Variants in CENPF observed in about 807,000 individuals in gnomAD.
CENPF encodes the protein centromere protein F.
CENPF carries 214 observed loss-of-function variants against 307.3 expected under a neutral mutation model. The ratio of observed to expected loss-of-function variants is 0.70; its 90% CI spans 0.62 to 0.78. The LOEUF (loss-of-function observed/expected upper bound fraction) is 0.78, where lower values mean the gene tolerates loss of function less well. Among genes scored for constraint, CENPF ranks in the 30% least tolerant of loss-of-function variants. The pLI, the probability that CENPF is intolerant of heterozygous loss-of-function variation, is 0.00. For synonymous variants in CENPF, 1,259 were observed against 1,270.6 expected, an observed-to-expected ratio of 0.99 and a Z score of 0.19; for missense variants, 3,401 against 3,483.9, an observed-to-expected ratio of 0.98 and a Z score of 0.60.
rs1348872619 is a variant in CENPF, at chr1:214,651,625, C to T, written c.7984-85C>T. On this transcript the variant is annotated intron_variant, in intron 14 of 19. Coordinates refer to ENST00000366955, the MANE Select transcript of CENPF (RefSeq NM_016343.4). ...CTTGCCCATAAATATTTTTTTTCTACACAGTACACATTATTTCCTAAAAAT... is the reference window on the plus strand; with the variant it reads ...CTTGCCCATAAATATTTTTTTTCTATACAGTACACATTATTTCCTAAAAAT... 4.0e-6 allele frequency: 4 copies of T among 996,970 alleles called. No homozygotes were observed. The African/African-American group carries it at 6.5e-5, about 16-fold the overall frequency. The allele number at this position is 996,970 out of a possible 1,614,324, so 61.8% of individuals were successfully genotyped here.
chr1:214,622,051 G>T, intron 6 of CENPF, 28 bp from the exon 7 acceptor site: 1 of 1,547,276 alleles, frequency 6.5e-7, no homozygotes, highest in African/African-American at 1.4e-5. Flanking sequence ...TATATGAATT[G>T]GAGTGTGATT....
chr1:214,616,869 CTT>C (rs1275745328), intron 3 of CENPF, among the ~76,000 whole-genome samples: 2 of 83,968 alleles, frequency 2.4e-5, no homozygotes, highest in African/African-American at 4.7e-5. Flanking sequence ...TTCTTTCTTT[CTT>C]TCTTTCTTTC....
intron 3 of CENPF, among the ~76,000 whole-genome samples, chr1:214,617,137 C>T (rs897693495): frequency 2.0e-5 from 3 of 151,666 alleles, no homozygotes; most frequent in Admixed American, 6.6e-5. Flanking sequence ...CTGCAACCTC[C>T]GCCTCCTGGG....
Position 214,620,848 on chromosome 1 carries a change from G to A in CENPF, c.767G>A (p.Arg256Gln), listed in dbSNP as rs147545168. Residue 256 changes from arginine to glutamine, a missense_variant, in exon 6 of 20, where the codon CGA becomes CAA. Physicochemically the swap from Arg to Gln is conservative, Grantham distance 43. Transcript: ENST00000366955. Reference protein sequence around the residue: ...FSGEQEVTPSRSTLQIGKRDA... With the variant: ...FSGEQEVTPSQSTLQIGKRDA... ...GGGGAACAAGAGGTGACTCCAAGTC[G>A]ATCAACTTTGCAAATAGGGAAAAGA... 5.3e-5 allele frequency: 86 copies of A among 1,614,124 alleles called. No homozygotes were observed. The African/African-American group carries it at 8.8e-4, about 17-fold the overall frequency.
chr1:214,613,381 C>A, intron 1 of CENPF: 1 of 206,038 alleles, frequency 4.9e-6, no homozygotes. Flanking sequence ...TACTCCTGAT[C>A]CTGTGGTGAC....
chr1:214,623,327 A>G lies in CENPF; in HGVS notation c.1068+1046A>G, dbSNP rs1027710356. Among the ~76,000 whole-genome samples, 20 of 152,330 alleles carry G rather than the reference A, an allele frequency of 1.3e-4. No individual in the cohort carries two copies. The South Asian group carries it at 1.4e-3, about 11-fold the overall frequency. On this transcript the variant is annotated intron_variant, in intron 7 of 19. Transcript: ENST00000366955. ...TAGCATATACATAGTATTAGGTATT[A>G]TAAGTAATCTAGAGATGATTTAAAG...
rs1421436303 is a variant in CENPF at position 214,645,098 on chromosome 1, G to C, written c.5528G>C (p.Ser1843Thr). 1 of 1,612,830 alleles carries C rather than the reference G, an allele frequency of 6.2e-7. No individual in the cohort carries two copies. Among genetic ancestry groups the C allele is most frequent in the East Asian group, 2.2e-5 (1 of 44,846 alleles). The change falls in exon 13 of 20, where the codon AGT becomes ACT. Residue 1843 changes from serine (S) to threonine (T), a missense_variant. By Grantham distance (58) the Ser-to-Thr change is moderately conservative (BLOSUM62 1). Coordinates refer to ENST00000366955, the MANE Select transcript of CENPF (RefSeq NM_016343.4). ...GELKKENSDL[S>T]EKLEYFSCDH... ...CTTAAGAAAGAAAACTCAGATTTAAGTGAAAAATTGGAATATTTTTCTTGT... is the reference window on the plus strand; with the variant it reads ...CTTAAGAAAGAAAACTCAGATTTAACTGAAAAATTGGAATATTTTTCTTGT...
chr1:214,638,144 G>A (rs1405553087), intron 11 of CENPF, 143 bp downstream of exon 11: 1 of 861,410 alleles, frequency 1.2e-6, no homozygotes, highest in Non-Finnish European at 1.7e-6. Context: ...TGATGTGGAA[G>A]AGTTTTCCCT....
rs192591208 is a variant in CENPF, at chr1:214,628,938, A to G, written c.1069-108A>G. ...ACATCCTTGCTAATAGTTCCTAAAC[A>G]TAAATTGTGTGCTAAAACAATTATA... On this transcript the variant is annotated intron_variant, in intron 7 of 19. Transcript: ENST00000366955. 5 of 786,880 alleles carry G rather than the reference A, an allele frequency of 6.4e-6. No individual in the cohort carries two copies. The East Asian group carries it at 1.2e-4, about 19-fold the overall frequency. 48.7% of individuals were successfully genotyped at this position (786,880 alleles called of 1,614,324 possible). A position where few individuals can be genotyped will look rare whatever the true frequency, so the allele number is the denominator to read the frequency against.
At chr1:214,633,918 C>T (rs557182608) in intron 10 of CENPF, among the ~76,000 whole-genome samples, 1 of 152,364 alleles carries the variant, frequency 6.6e-6, no homozygotes, top group East Asian at 1.9e-4. Flanking sequence ...GCTTCCCTTT[C>T]AGCCAGGAAC....
intron 1 of CENPF, chr1:214,608,337 G>A (rs1237457785): frequency 6.2e-6 from 10 of 1,605,126 alleles, no homozygotes; most frequent in Non-Finnish European, 7.6e-6. Flanking sequence ...CCTGCCAGGC[G>A]GCGTCGATGT....
chr1:214,605,269 T>C (rs1404943191), intron 1 of CENPF, among the ~76,000 whole-genome samples: 4 of 152,146 alleles, frequency 2.6e-5, no homozygotes, highest in Admixed American at 2.6e-4. Context: ...AAGTATGTAA[T>C]AGCTAACATA....
At chr1:214,614,046 G>C in intron 2 of CENPF, 130 bp downstream of exon 2, 3 of 909,942 alleles carry the variant, frequency 3.3e-6, no homozygotes, top group Non-Finnish European at 3.0e-6. Flanking sequence ...AAATGATTTT[G>C]CTGTCTTCAG....
intron 7 of CENPF, among the ~76,000 whole-genome samples, chr1:214,627,529 A>G (rs925481151): frequency 1.3e-5 from 2 of 151,864 alleles, no homozygotes; most frequent in African/African-American, 2.4e-5. Flanking sequence ...GCATGCCACC[A>G]TGCCCAGCTA....
At chr1:214,637,485 T>C (rs1238181505) in intron 10 of CENPF, among the ~76,000 whole-genome samples, 1 of 152,108 alleles carries the variant, frequency 6.6e-6, no homozygotes, top group Non-Finnish European at 1.5e-5. Context: ...TTTTTTGGTT[T>C]ATTAACAAAT....
At chr1:214,636,038 T>C (rs1233951829) in intron 10 of CENPF, among the ~76,000 whole-genome samples, 4 of 152,198 alleles carry the variant, frequency 2.6e-5, no homozygotes, top group African/African-American at 9.7e-5. Context: ...AAAATAAAAA[T>C]GCTAAGTCGA....
intron 8 of CENPF, among the ~76,000 whole-genome samples, chr1:214,629,971 A>G (rs547592290): frequency 1.3e-5 from 2 of 152,304 alleles, no homozygotes; most frequent in African/African-American, 2.4e-5. Context: ...AGTATCTGCC[A>G]ATTTGGTTCT....
intron 19 of CENPF, among the ~76,000 whole-genome samples, chr1:214,661,049 G>A (rs770242378): frequency 3.3e-5 from 5 of 152,100 alleles, no homozygotes; most frequent in African/African-American, 7.2e-5. Context: ...GTTTGCATGC[G>A]GCGTTCAGAC....
intron 11 of CENPF, among the ~76,000 whole-genome samples, chr1:214,638,967 T>C (rs1253628615): frequency 6.6e-6 from 1 of 152,188 alleles, no homozygotes; most frequent in Non-Finnish European, 1.5e-5. Flanking sequence ...ATTGTTTGAG[T>C]TGCTCACAGC....
Sources: gnomAD v4.1 joint callset for allele counts (sites outside exome capture counted in the v4.1 genomes callset) on GRCh38, gnomAD v4.1.1 for gene constraint, MANE v1.5 for transcripts, NCBI Gene and HGNC (gene_info 2026-07-23, HGNC 2026-07-21) for gene names.